ENTPD3: variants seen among roughly 807,000 people sequenced by gnomAD.
ENTPD3 encodes CD39 antigen-like 3.
Under a neutral mutation model 51.2 loss-of-function variants are expected in ENTPD3, and 60 were observed. That is an observed-to-expected ratio of 1.17 (90% confidence interval 0.95 to 1.45). The LOEUF (loss-of-function observed/expected upper bound fraction) is 1.45, where lower values mean the gene tolerates loss of function less well. ENTPD3 is among the 40% of genes most tolerant of loss of function. The pLI, the probability that ENTPD3 is intolerant of heterozygous loss-of-function variation, is 0.00. For missense variants in ENTPD3, 593 were observed against 641.1 expected, an observed-to-expected ratio of 0.93 and a Z score of 0.81; for synonymous variants, 221 against 238.4, an observed-to-expected ratio of 0.93 and a Z score of 0.67.
Position 40,421,000 on chromosome 3 carries a change from AAAT to A in ENTPD3, c.832-1840_832-1838del, listed in dbSNP as rs1249059854. Among the ~76,000 whole-genome samples, 14 of 151,614 alleles carry A rather than the reference AAAT, an allele frequency of 9.2e-5. 1 individual carries two copies. The South Asian group carries it at 2.9e-3, about 32-fold the overall frequency. ...GGAGACCCCACCTCTACAAAACAAA[AAAT>A]AATAATAATTAATTAATTTAAATTT... On this transcript the variant is annotated intron_variant, in intron 7 of 10. Coordinates refer to ENST00000301825, the MANE Select transcript of ENTPD3 (RefSeq NM_001248.4).
chr3:40,425,756 G>A (rs1488839161), intron 10 of ENTPD3, among the ~76,000 whole-genome samples: 1 of 151,840 alleles, frequency 6.6e-6, no homozygotes, highest in Non-Finnish European at 1.5e-5. Flanking sequence ...AAATTAGCTG[G>A]GTATGGTGGC....
chr3:40,423,246 ACC>A (rs763361428), intron 8 of ENTPD3, 43 bp from the exon 9 acceptor site: 78 of 1,573,080 alleles, frequency 5.0e-5, no homozygotes, highest in Admixed American at 6.8e-5. Context: ...TTTCTATTAT[ACC>A]CCATTCTGAG....
chr3:40,402,083 T>A (rs1308304608), intron 4 of ENTPD3, among the ~76,000 whole-genome samples: 1 of 151,642 alleles, frequency 6.6e-6, no homozygotes, highest in East Asian at 1.9e-4. Flanking sequence ...TGCACTGATA[T>A]GAGTAACTAT....
intron 5 of ENTPD3, among the ~76,000 whole-genome samples, chr3:40,412,228 G>A (rs1575224344): frequency 2.0e-5 from 3 of 152,308 alleles, no homozygotes; most frequent in Middle Eastern, 3.4e-3. Flanking sequence ...TATGAAATCT[G>A]CTCATGGGAT....
At chr3:40,423,710 T>C (rs1221321348) in intron 9 of ENTPD3, 116 bp from the exon 10 acceptor site, 1 of 1,194,882 alleles carries the variant, frequency 8.4e-7, no homozygotes, top group Non-Finnish European at 1.2e-6. Flanking sequence ...TTATAAAGTA[T>C]TTTCTATTAT....
At chr3:40,393,140 G>A (rs1955103605) in intron 3 of ENTPD3, among the ~76,000 whole-genome samples, 1 of 152,134 alleles carries the variant, frequency 6.6e-6, no homozygotes, top group African/African-American at 2.4e-5. Flanking sequence ...GACAGGAGGT[G>A]ATTCCATGAG....
intron 10 of ENTPD3, chr3:40,424,194 T>TA: frequency 2.0e-6 from 2 of 984,642 alleles, no homozygotes; most frequent in South Asian, 9.4e-5. Context: ...GCCAATGGAC[T>TA]AGGCGGTCCT....
Position 40,400,916 on chromosome 3 carries a change from G to A in ENTPD3, c.191G>A (p.Gly64Glu), listed in dbSNP as rs751541001. 1.2e-6 allele frequency: 2 copies of A among 1,613,554 alleles called. No individual in the cohort carries two copies. The highest frequency in any genetic ancestry group is 8.5e-7 in the Non-Finnish European group (1 of 1,179,872). ...GLKYGIVLDA[G>E]SSRTTVYVYQ... ...CAGTATGGTATTGTGCTGGATGCCG[G>A]GTCTTCAAGAACCACAGTCTACGTG... The change falls in exon 4 of 11, where the codon GGG becomes GAG. Residue 64 changes from glycine (G) to glutamate (E), a missense_variant. Physicochemically the swap from Gly to Glu is moderately conservative, Grantham distance 98. Coordinates refer to ENST00000301825, the MANE Select transcript of ENTPD3 (RefSeq NM_001248.4).
At position 40,422,921 on chromosome 3, in the gene ENTPD3, C is replaced by T. The variant is rs768168516; in HGVS notation, c.903C>T (p.Gly301=). 2.5e-6 allele frequency: 4 copies of T among 1,613,882 alleles called. No individual in the cohort carries two copies. The highest frequency in any genetic ancestry group is 3.4e-6 in the Non-Finnish European group (4 of 1,179,960). Residue 301 remains glycine, a synonymous_variant, in exon 8 of 11, where the codon GGC becomes GGT. Transcript: ENST00000301825. Reference sequence around the variant, plus strand: ...ATTATAGCATCAGCTTCACCATGGGCCATGTATTTGATAGCCTGTGCACTG... The same window carrying T: ...ATTATAGCATCAGCTTCACCATGGGTCATGTATTTGATAGCCTGTGCACTG... ...PRDYSISFTM[G]HVFDSLCTVD... is the part of the protein sequence containing the mutation.
Position 40,391,982 on chromosome 3 carries a change from T to C in ENTPD3, c.41-41T>C, listed in dbSNP as rs577536343. 15 of 1,612,158 alleles carry C rather than the reference T, an allele frequency of 9.3e-6. No homozygotes were observed. The South Asian group carries it at 1.5e-4, about 17-fold the overall frequency. ...TACAAAGAATACCAGTGCCTGGTTTTTACCTCCCCCTCAAGTGTCTTCTGG... is the reference window on the plus strand; with the variant it reads ...TACAAAGAATACCAGTGCCTGGTTTCTACCTCCCCCTCAAGTGTCTTCTGG... On this transcript the variant is annotated intron_variant, in intron 2 of 10. Transcript: ENST00000301825.
At chr3:40,391,950 T>C in intron 2 of ENTPD3, 73 bp from the exon 3 acceptor site, 1 of 1,565,986 alleles carries the variant, frequency 6.4e-7, no homozygotes, top group South Asian at 1.1e-5. Context: ...GGCCAGTCCA[T>C]CAATTCTACA....
intron 10 of ENTPD3, among the ~76,000 whole-genome samples, chr3:40,427,020 C>T (rs188192620): frequency 2.6e-5 from 4 of 152,230 alleles, no homozygotes; most frequent in South Asian, 2.1e-4. Context: ...TTAACTGTGC[C>T]GTCTTCACTC....
intron 3 of ENTPD3, chr3:40,392,584 A>T (rs1485611236): frequency 1.3e-5 from 2 of 156,278 alleles, no homozygotes; most frequent in Non-Finnish European, 2.8e-5. Flanking sequence ...CAAAAAAAAA[A>T]AAAAAAAATT....
chr3:40,417,543 G>A (rs1955774193), intron 7 of ENTPD3, among the ~76,000 whole-genome samples: 1 of 151,930 alleles, frequency 6.6e-6, no homozygotes, highest in Admixed American at 6.6e-5. Flanking sequence ...CTCCCACCAG[G>A]CCCCTCCTCC....
intron 8 of ENTPD3, 53 bp from the exon 9 acceptor site, chr3:40,423,234 CCTTT>C (rs1955916719): frequency 2.3e-5 from 36 of 1,565,486 alleles, no homozygotes; most frequent in Non-Finnish European, 3.2e-5. Context: ...CACCCATAAA[CCTTT>C]CTATTATACC....
At chr3:40,407,183 A>G (rs1955523995) in intron 4 of ENTPD3, among the ~76,000 whole-genome samples, 1 of 152,146 alleles carries the variant, frequency 6.6e-6, no homozygotes, top group African/African-American at 2.4e-5. Context: ...ATGGCTATAA[A>G]TCATCTGAGT....
At position 40,426,136 on chromosome 3, in the gene ENTPD3, T is replaced by G. The variant is rs183024382; in HGVS notation, c.1354-1136T>G. On this transcript the variant is annotated intron_variant, in intron 10 of 10. Transcript: ENST00000301825. Reference sequence around the variant, plus strand: ...TTTTTTTTTTTTTTTTGAGACGGAGTCTCGCTCTGTCGCCTAGGCTGGAGT... The same window carrying G: ...TTTTTTTTTTTTTTTTGAGACGGAGGCTCGCTCTGTCGCCTAGGCTGGAGT... Among the ~76,000 whole-genome samples the G allele has an allele frequency of 3.4e-3, 436 of 127,666 alleles. 2 individuals carry two copies. Among genetic ancestry groups the G allele is most frequent in the African/African-American group, 0.011 (386 of 35,154 alleles). 83.8% of individuals were successfully genotyped at this position (127,666 alleles called of 152,430 possible). A position where few individuals can be genotyped will look rare whatever the true frequency, so the allele number is the denominator to read the frequency against.
chr3:40,387,305 C>A (rs998539007), intron 1 of ENTPD3, 44 bp downstream of exon 1: 1 of 152,656 alleles, frequency 6.6e-6, no homozygotes, highest in Admixed American at 6.5e-5. Flanking sequence ...AGGAAGGAGT[C>A]GGGGGTGCTG....
rs751084614 is a variant in ENTPD3 at position 40,428,676 on chromosome 3, C to A, written c.*1168C>A. 6.6e-6 allele frequency: 1 copy of A among 152,074 alleles called. No homozygotes were observed. Among genetic ancestry groups the A allele is most frequent in the Non-Finnish European group, 1.5e-5 (1 of 68,006 alleles). The allele number at this position is 152,074 out of a possible 1,614,324, so 9.4% of individuals were successfully genotyped here. ...TATGGTACTCTTTCTCCTAAGGACCCTAGGTGATATTTATGAGAGAAATTT... is the reference window on the plus strand; with the variant it reads ...TATGGTACTCTTTCTCCTAAGGACCATAGGTGATATTTATGAGAGAAATTT... On this transcript the variant is annotated 3_prime_UTR_variant, in exon 11 of 11. Transcript: ENST00000301825.
Sources: gnomAD v4.1 joint callset for allele counts (sites outside exome capture counted in the v4.1 genomes callset) on GRCh38, gnomAD v4.1.1 for gene constraint, MANE v1.5 for transcripts, NCBI Gene and HGNC (gene_info 2026-07-23, HGNC 2026-07-21) for gene names.